SLC22A15: variants seen among roughly 807,000 people sequenced by gnomAD.
SLC22A15 encodes the protein solute carrier family 22 member 15.
SLC22A15 carries 45 observed loss-of-function variants against 62.7 expected under a neutral mutation model. That is an observed-to-expected ratio of 0.72 (90% confidence interval 0.56 to 0.92). SLC22A15 has a LOEUF of 0.92. Among genes scored for constraint, SLC22A15 ranks in the 40% least tolerant of loss-of-function variants. The probability of loss-of-function intolerance (pLI) is 0.00; values close to 1 mark genes in which losing one functional copy is unlikely to be tolerated. For missense variants in SLC22A15, 622 were observed against 665.6 expected (o/e 0.93, Z 0.72); for synonymous variants, 264 against 267.0 (o/e 0.99, Z 0.11).
At chr1:116,018,771 A>C (rs1266010663) in intron 2 of SLC22A15, among the ~76,000 whole-genome samples, 1 of 152,130 alleles carries the variant, frequency 6.6e-6, no homozygotes, top group Admixed American at 6.5e-5. Context: ...GGAACATTTG[A>C]TATCCTCCTT....
At chr1:116,018,538 G>C (rs1376529976) in intron 2 of SLC22A15, among the ~76,000 whole-genome samples, 2 of 151,912 alleles carry the variant, frequency 1.3e-5, no homozygotes, top group Non-Finnish European at 2.9e-5. Context: ...CTAATTTTTT[G>C]TATTTTTCAG....
intron 1 of SLC22A15, among the ~76,000 whole-genome samples, chr1:115,983,611 A>G (rs896967919): frequency 6.6e-6 from 1 of 152,218 alleles, no homozygotes; most frequent in African/African-American, 2.4e-5. Flanking sequence ...CAGGACAGGC[A>G]GTCGAGAAGG....
At position 116,062,764 on chromosome 1, in the gene SLC22A15, A is replaced by G; in HGVS notation, c.1174A>G (p.Thr392Ala). 6.2e-7 allele frequency: 1 copy of G among 1,613,888 alleles called. No homozygotes were observed. The highest frequency in any genetic ancestry group is 8.5e-7 in the Non-Finnish European group (1 of 1,179,796). The change falls in exon 9 of 12, where the codon ACA (threonine) becomes GCA (alanine). Residue 392 changes from threonine to alanine, a missense_variant and splice_region_variant. Transcript: ENST00000369503. ...GGCATTGCCCTTGTCCTCCTCAGAC[A>G]CAGGTGTGTTTGCAGTGGTGAACAG... The part of the protein sequence containing the change: ...IVMFLPEKKD[T>A]GVFAVVNSHS...
intron 8 of SLC22A15, among the ~76,000 whole-genome samples, chr1:116,057,121 C>T (rs1658230399): frequency 6.6e-6 from 1 of 151,988 alleles, no homozygotes; most frequent in South Asian, 2.1e-4. Flanking sequence ...GAAGAGGCAA[C>T]CTACAAAATG....
chr1:116,061,037 G>A (rs773493907), intron 8 of SLC22A15, among the ~76,000 whole-genome samples: 4 of 152,176 alleles, frequency 2.6e-5, no homozygotes, highest in Non-Finnish European at 5.9e-5. Context: ...AGTTGAGAGA[G>A]CATGAACACA....
chr1:116,067,061 G>T lies in SLC22A15; in HGVS notation c.1597G>T (p.Glu533Ter). 6.2e-7 allele frequency: 1 copy of T among 1,612,838 alleles called. No homozygotes were observed. The highest frequency in any genetic ancestry group is 1.7e-5 in the Admixed American group (1 of 59,876). The change falls in exon 12 of 12, where the codon GAG (glutamate) becomes TAG (stop). Residue 533 changes from glutamate to a stop codon, truncating the protein, a stop_gained. Transcript: ENST00000369503. LOFTEE classifies it high-confidence loss of function. ...CTCTTTAGGGAGTGAGAGTGAGGAA[G>T]AGGAAGAATTTTATGATGCAGATGA... ...ESSLGSESEE[E>*]EEFYDADEET...
chr1:116,055,377 G>C (rs200478228), intron 8 of SLC22A15, among the ~76,000 whole-genome samples: 1 of 151,052 alleles, frequency 6.6e-6, no homozygotes, highest in East Asian at 1.9e-4. Context: ...TCTCTGAATA[G>C]ACCAATAACA....
chr1:116,005,664 C>A (rs1299448741), intron 2 of SLC22A15, among the ~76,000 whole-genome samples: 2 of 152,076 alleles, frequency 1.3e-5, no homozygotes, highest in African/African-American at 4.8e-5. Flanking sequence ...AGGCAGGGTA[C>A]TGATACCACC....
intron 8 of SLC22A15, among the ~76,000 whole-genome samples, chr1:116,044,590 T>G (rs976154014): frequency 2.6e-5 from 4 of 152,150 alleles, no homozygotes; most frequent in African/African-American, 9.7e-5. Context: ...GGAACAGAAG[T>G]AAAACTGTCT....
At chr1:116,063,827 C>T (rs1557910958) in intron 9 of SLC22A15, among the ~76,000 whole-genome samples, 1 of 152,088 alleles carries the variant, frequency 6.6e-6, no homozygotes, top group Non-Finnish European at 1.5e-5. Context: ...AATTATCATT[C>T]TCTCTCCCTC....
At chr1:115,978,306 A>C (rs1477121379) in intron 1 of SLC22A15, among the ~76,000 whole-genome samples, 1 of 152,024 alleles carries the variant, frequency 6.6e-6, no homozygotes, top group African/African-American at 2.4e-5. Flanking sequence ...GGTTCTAAAA[A>C]GGCCAGTGTT....
chr1:115,976,698 T>C lies in SLC22A15; in HGVS notation c.71T>C (p.Leu24Pro). 1 of 1,584,174 alleles carries C rather than the reference T, an allele frequency of 6.3e-7. No homozygotes were observed. Among genetic ancestry groups the C allele is most frequent in the Non-Finnish European group, 8.6e-7 (1 of 1,166,820 alleles). ...TACCAGATGTACTTGTGCTTCCTGC[T>C]GGCCGTGCTGCTGCAGGTAAGTCCC... ...GIYQMYLCFLLAVLLQLYVAT... is the reference protein window; with the variant it reads ...GIYQMYLCFLPAVLLQLYVAT... Residue 24 changes from leucine (L) to proline (P), a missense_variant, in exon 1 of 12, where the codon CTG becomes CCG. By Grantham distance (98) the Leu-to-Pro change is moderately conservative. Transcript: ENST00000369503.
intron 8 of SLC22A15, among the ~76,000 whole-genome samples, chr1:116,047,418 C>T (rs1657954314): frequency 1.3e-5 from 2 of 152,178 alleles, no homozygotes; most frequent in Non-Finnish European, 2.9e-5. Context: ...CAGAGCGAGA[C>T]TCCGTCTCAA....
At chr1:116,033,235 A>C (rs1657490522) in intron 6 of SLC22A15, among the ~76,000 whole-genome samples, 2 of 152,258 alleles carry the variant, frequency 1.3e-5, no homozygotes, top group Non-Finnish European at 2.9e-5. Flanking sequence ...TTTCCACAAT[A>C]GTGCCTTTTT....
At chr1:116,033,583 GTGTGTA>G (rs373257822) in intron 6 of SLC22A15, among the ~76,000 whole-genome samples, 1 of 145,636 alleles carries the variant, frequency 6.9e-6, no homozygotes, top group Non-Finnish European at 1.5e-5. Context: ...GTGTGTGTGT[GTGTGTA>G]TGTGTGTGTG....
intron 8 of SLC22A15, among the ~76,000 whole-genome samples, chr1:116,039,564 A>G (rs1657729333): frequency 6.6e-6 from 1 of 152,104 alleles, no homozygotes; most frequent in Non-Finnish European, 1.5e-5. Flanking sequence ...CAGGGAAATT[A>G]TTTCTATTTT....
intron 9 of SLC22A15, among the ~76,000 whole-genome samples, chr1:116,063,557 T>G (rs1187125027): frequency 2.0e-5 from 3 of 152,196 alleles, no homozygotes; most frequent in Non-Finnish European, 1.5e-5. Context: ...CAAACAATCC[T>G]TCTCCTTCCC....
At chr1:116,060,866 G>T (rs1043635595) in intron 8 of SLC22A15, among the ~76,000 whole-genome samples, 2 of 152,200 alleles carry the variant, frequency 1.3e-5, no homozygotes, top group African/African-American at 4.8e-5. Context: ...CAAATAGCCT[G>T]GCAGAAGAGT....
chr1:116,006,889 G>A (rs1255359357), intron 2 of SLC22A15, among the ~76,000 whole-genome samples: 2 of 151,368 alleles, frequency 1.3e-5, no homozygotes, highest in Non-Finnish European at 2.9e-5. Context: ...GTGCCTTTCT[G>A]TTTCTGTTTC....
Sources: allele counts gnomAD v4.1 joint callset (sites outside exome capture counted in the v4.1 genomes callset), GRCh38; gene constraint gnomAD v4.1.1; transcripts MANE v1.5; gene names NCBI Gene and HGNC (gene_info 2026-07-23, HGNC 2026-07-21).